Variants in HS3ST5 observed in about 807,000 individuals in gnomAD.
The protein encoded by HS3ST5 is heparan sulfate-glucosamine 3-sulfotransferase 5, also known as heparan sulfate glucosamine 3-O-sulfotransferase 5.
HS3ST5 carries 10 observed loss-of-function variants against 25.4 expected under a neutral mutation model. The ratio of observed to expected loss-of-function variants is 0.39; its 90% CI spans 0.24 to 0.67. The LOEUF is 0.67. Among genes scored for constraint, HS3ST5 ranks in the 30% least tolerant of loss-of-function variants. HS3ST5 has a pLI of 0.44. For missense variants in HS3ST5, 324 were observed against 420.7 expected, an observed-to-expected ratio of 0.77 and a Z score of 2.01; for synonymous variants, 170 against 162.4, an observed-to-expected ratio of 1.05 and a Z score of -0.36.
intron 3 of HS3ST5, among the ~76,000 whole-genome samples, chr6:114,091,174 G>A (rs1369958861): frequency 6.6e-6 from 1 of 152,164 alleles, no homozygotes; most frequent in African/African-American, 2.4e-5. Context: ...TTTCTTGTAG[G>A]ATTAATAAGT....
At chr6:114,217,861 A>G (rs1208173167) in intron 2 of HS3ST5, among the ~76,000 whole-genome samples, 1 of 152,208 alleles carries the variant, frequency 6.6e-6, no homozygotes, top group Non-Finnish European at 1.5e-5. Context: ...AGATGGCTCT[A>G]CCACTAACCT....
intron 1 of HS3ST5, among the ~76,000 whole-genome samples, chr6:114,269,204 A>T (rs1351687064): frequency 2.0e-5 from 3 of 152,206 alleles, no homozygotes; most frequent in African/African-American, 7.2e-5. Flanking sequence ...CCTGTGATGA[A>T]GGAGTTATCT....
intron 1 of HS3ST5, among the ~76,000 whole-genome samples, chr6:114,326,563 A>G (rs973274473): frequency 2.0e-5 from 3 of 152,186 alleles, no homozygotes; most frequent in Non-Finnish European, 4.4e-5. Flanking sequence ...TGCATAGTAG[A>G]GTTTCCAACT....
At chr6:114,101,493 C>T (rs563972302) in intron 3 of HS3ST5, among the ~76,000 whole-genome samples, 92 of 152,232 alleles carry the variant, frequency 6.0e-4, no homozygotes, top group African/African-American at 2.2e-3. Context: ...TGTTGATTTA[C>T]AGTGCCTGTG....
chr6:114,152,885 C>T (rs1778525718), intron 3 of HS3ST5, among the ~76,000 whole-genome samples: 1 of 152,206 alleles, frequency 6.6e-6, no homozygotes, highest in African/African-American at 2.4e-5. Context: ...TCTTCCTTAT[C>T]TTGAATGATT....
At chr6:114,109,588 T>C (rs1468117548) in intron 3 of HS3ST5, among the ~76,000 whole-genome samples, 3 of 152,228 alleles carry the variant, frequency 2.0e-5, no homozygotes, top group Non-Finnish European at 4.4e-5. Context: ...CCTTCCTCTC[T>C]GGCCATGTCT....
intron 1 of HS3ST5, among the ~76,000 whole-genome samples, chr6:114,262,657 TA>T (rs1582769467): frequency 6.6e-6 from 1 of 151,244 alleles, no homozygotes; most frequent in Admixed American, 6.6e-5. Flanking sequence ...CAAATATATT[TA>T]TTTTTTTCAT....
chr6:114,212,394 G>A (rs1338593811), intron 2 of HS3ST5, among the ~76,000 whole-genome samples: 1 of 152,166 alleles, frequency 6.6e-6, no homozygotes, highest in Non-Finnish European at 1.5e-5. Flanking sequence ...CTGCCCCAGA[G>A]TAATGAGCAC....
chr6:114,197,961 T>C (rs1780840160), intron 2 of HS3ST5, among the ~76,000 whole-genome samples: 1 of 152,108 alleles, frequency 6.6e-6, no homozygotes, highest in Non-Finnish European at 1.5e-5. Context: ...TCTGAGTTGA[T>C]GGACATGGAA....
At chr6:114,322,782 T>C (rs972482783) in intron 1 of HS3ST5, among the ~76,000 whole-genome samples, 3 of 152,192 alleles carry the variant, frequency 2.0e-5, no homozygotes, top group East Asian at 1.9e-4. Context: ...TACTGCGATA[T>C]GGCAATGCAT....
At chr6:114,093,741 CA>C (rs997799716) in intron 3 of HS3ST5, among the ~76,000 whole-genome samples, 2 of 150,674 alleles carry the variant, frequency 1.3e-5, no homozygotes, top group Non-Finnish European at 1.5e-5. Context: ...TCTGAGCAGA[CA>C]AAAAAAACGA....
At chr6:114,214,846 C>T (rs1205760554) in intron 2 of HS3ST5, among the ~76,000 whole-genome samples, 1 of 152,192 alleles carries the variant, frequency 6.6e-6, no homozygotes, top group African/African-American at 2.4e-5. Flanking sequence ...AGGGCAGATA[C>T]AGCCTCAGTC....
intron 3 of HS3ST5, among the ~76,000 whole-genome samples, chr6:114,100,296 G>A (rs995153633): frequency 3.9e-5 from 6 of 152,086 alleles, no homozygotes; most frequent in African/African-American, 1.2e-4. Flanking sequence ...GATTGCAGAC[G>A]ATAGAGAGGC....
rs1772846663 is a variant in HS3ST5 at position 114,057,675 on chromosome 6, T to C, written c.623A>G (p.Tyr208Cys). Residue 208 changes from tyrosine (Y) to cysteine (C), a missense_variant, in exon 5 of 5, where the codon TAC becomes TGC. Transcript: ENST00000312719. ...EGKERKNKTY[Y>C]KFEKLAIDPN... is the part of the protein sequence containing the mutation. ...GTCTATGGCCAGCTTCTCAAACTTG[T>C]AATAAGTTTTGTTCTTCCTCTCCTT... The C allele has an allele frequency of 1.2e-6, 2 of 1,614,142 alleles. No individual in the cohort carries two copies. The highest frequency in any genetic ancestry group is 1.7e-6 in the Non-Finnish European group (2 of 1,180,018).
intron 3 of HS3ST5, among the ~76,000 whole-genome samples, chr6:114,163,832 A>C (rs1375198532): frequency 6.6e-6 from 1 of 152,046 alleles, no homozygotes; most frequent in Non-Finnish European, 1.5e-5. Context: ...AGCCTCTCTT[A>C]TAGTTAAAGA....
At chr6:114,111,314 T>C (rs1159793180) in intron 3 of HS3ST5, among the ~76,000 whole-genome samples, 1 of 152,204 alleles carries the variant, frequency 6.6e-6, no homozygotes, top group Non-Finnish European at 1.5e-5. Flanking sequence ...AAAATACATC[T>C]TGAAACAGTT....
intron 1 of HS3ST5, among the ~76,000 whole-genome samples, chr6:114,267,190 T>C (rs371511185): frequency 1.3e-5 from 2 of 152,172 alleles, no homozygotes; most frequent in East Asian, 3.9e-4. Context: ...AGAATGGAAG[T>C]GATAAAAATG....
At chr6:114,317,363 C>T (rs785136) in intron 1 of HS3ST5, among the ~76,000 whole-genome samples, 21,675 of 152,022 alleles carry the variant, frequency 0.14, 3,826 homozygotes, top group African/African-American at 0.42. Flanking sequence ...CAAGGGTAAT[C>T]GTTAACACAC....
chr6:114,219,552 T>A (rs147341595), intron 2 of HS3ST5, among the ~76,000 whole-genome samples: 1 of 152,144 alleles, frequency 6.6e-6, no homozygotes, highest in African/African-American at 2.4e-5. Flanking sequence ...ACAAAATGAA[T>A]TCAGGCCATC....
Sources: gnomAD v4.1 joint callset for allele counts (sites outside exome capture counted in the v4.1 genomes callset) on GRCh38, gnomAD v4.1.1 for gene constraint, MANE v1.5 for transcripts, NCBI Gene and HGNC (gene_info 2026-07-23, HGNC 2026-07-21) for gene names.